The following CSMD1 variants were observed in gnomAD, a reference collection of about 807,000 sequenced individuals.
The protein encoded by CSMD1 is CUB and Sushi multiple domains 1, also known as CUB and sushi domain-containing protein 1.
Under a neutral mutation model 417.5 loss-of-function variants are expected in CSMD1, and 213 were observed. The ratio of observed to expected loss-of-function variants is 0.51; its 90% CI spans 0.46 to 0.57. The LOEUF (loss-of-function observed/expected upper bound fraction) is 0.57. CSMD1 is among the 20% of genes least tolerant of loss of function. The probability of loss-of-function intolerance (pLI) is 0.00; values close to 1 mark genes in which losing one functional copy is unlikely to be tolerated. For synonymous variants in CSMD1, 2,862 were observed against 1,736.8 expected (o/e 1.65, Z -16.11); for missense variants, 6,923 against 4,529.7 (o/e 1.53, Z -15.17).
intron 6 of CSMD1, among the ~76,000 whole-genome samples, chr8:3,727,736 G>C (rs1368253257): frequency 6.6e-6 from 1 of 152,122 alleles, no homozygotes; most frequent in Non-Finnish European, 1.5e-5. Context: ...CACATGAATG[G>C]ATAAAGATAA....
intron 23 of CSMD1, among the ~76,000 whole-genome samples, chr8:3,325,325 C>T (rs77804269): frequency 0.027 from 4,068 of 152,262 alleles, 93 homozygotes; most frequent in Non-Finnish European, 0.042. Context: ...ATTCTGTCAT[C>T]GCTCCTATCA....
At chr8:4,864,841 A>G (rs1166099409) in intron 1 of CSMD1, among the ~76,000 whole-genome samples, 1 of 149,626 alleles carries the variant, frequency 6.7e-6, no homozygotes, top group Non-Finnish European at 1.5e-5. Flanking sequence ...ATTTAAAGTA[A>G]TTGGCCTAAT....
chr8:4,157,740 G>T (rs1388086446), intron 3 of CSMD1, among the ~76,000 whole-genome samples: 1 of 152,192 alleles, frequency 6.6e-6, no homozygotes, highest in African/African-American at 2.4e-5. Flanking sequence ...CTTTTCCTAG[G>T]AGTCAGGGCC....
intron 1 of CSMD1, among the ~76,000 whole-genome samples, chr8:4,948,054 C>T (rs1037295652): frequency 5.9e-5 from 9 of 151,848 alleles, no homozygotes; most frequent in African/African-American, 2.2e-4. Context: ...AATGTAGATA[C>T]CATAGTAGTA....
intron 3 of CSMD1, among the ~76,000 whole-genome samples, chr8:4,042,897 G>A (rs1197546959): frequency 3.4e-5 from 5 of 147,522 alleles, no homozygotes; most frequent in Non-Finnish European, 7.4e-5. Flanking sequence ...GGAGGCTGAG[G>A]TGGGAAGATT....
intron 3 of CSMD1, among the ~76,000 whole-genome samples, chr8:4,321,128 G>A (rs115674393): frequency 0.013 from 2,005 of 152,120 alleles, 44 homozygotes; most frequent in African/African-American, 0.046. Flanking sequence ...TCAATCAAAG[G>A]CAGGAAGAGT....
At chr8:4,007,123 C>T (rs1420251676) in intron 4 of CSMD1, among the ~76,000 whole-genome samples, 4 of 152,096 alleles carry the variant, frequency 2.6e-5, no homozygotes, top group Non-Finnish European at 5.9e-5. Context: ...CAGGTGTCAG[C>T]CACCGAGCCT....
chr8:3,091,358 C>A (rs1459079023), intron 48 of CSMD1, among the ~76,000 whole-genome samples, 158 bp downstream of exon 48: 1 of 152,044 alleles, frequency 6.6e-6, no homozygotes, highest in African/African-American at 2.4e-5. Flanking sequence ...TTAGAGGAAT[C>A]ATTCAGAATA....
intron 2 of CSMD1, among the ~76,000 whole-genome samples, chr8:4,602,297 C>T (rs1421560005): frequency 6.6e-6 from 1 of 152,100 alleles, no homozygotes; most frequent in Non-Finnish European, 1.5e-5. Context: ...GGGCCCTGCA[C>T]AAATAAGGCA....
At chr8:3,110,417 C>G in intron 42 of CSMD1, 82 bp from the exon 43 acceptor site, 1 of 1,180,400 alleles carries the variant, frequency 8.5e-7, no homozygotes, top group South Asian at 1.9e-5. Context: ...TCCAAAGTAC[C>G]TTAGCCAACA....
At chr8:3,858,090 A>G (rs193238374) in intron 5 of CSMD1, among the ~76,000 whole-genome samples, 23 of 152,384 alleles carry the variant, frequency 1.5e-4, no homozygotes, top group Admixed American at 1.4e-3. Flanking sequence ...TGACTGTCCA[A>G]TTGAATTTTA....
At chr8:4,747,176 G>A (rs1365452379) in intron 1 of CSMD1, among the ~76,000 whole-genome samples, 1 of 152,140 alleles carries the variant, frequency 6.6e-6, no homozygotes, top group Non-Finnish European at 1.5e-5. Flanking sequence ...GGAGAGGAAA[G>A]GAGTCCTTGT....
chr8:3,499,133 T>C (rs377004146), intron 10 of CSMD1, among the ~76,000 whole-genome samples: 1 of 152,228 alleles, frequency 6.6e-6, no homozygotes, highest in African/African-American at 2.4e-5. Flanking sequence ...TATTAGAATG[T>C]AGTTTTAGTA....
intron 38 of CSMD1, among the ~76,000 whole-genome samples, chr8:3,160,013 TG>T: frequency 6.6e-6 from 1 of 152,330 alleles, no homozygotes; most frequent in Admixed American, 6.5e-5. Flanking sequence ...GATATTTACC[TG>T]ATTTCAGGCA....
intron 2 of CSMD1, among the ~76,000 whole-genome samples, chr8:4,485,590 G>C (rs974299018): frequency 3.3e-5 from 5 of 152,008 alleles, no homozygotes; most frequent in Non-Finnish European, 7.4e-5. Flanking sequence ...ATCCATGGAT[G>C]TTCAAGCTAG....
intron 18 of CSMD1, among the ~76,000 whole-genome samples, chr8:3,372,826 C>G (rs1043398865): frequency 6.6e-6 from 1 of 152,138 alleles, no homozygotes; most frequent in Non-Finnish European, 1.5e-5. Context: ...GAGACCACAA[C>G]TATGTGAGAA....
At chr8:3,671,477 ATATAC>A (rs1799033630) in intron 7 of CSMD1, among the ~76,000 whole-genome samples, 4 of 117,178 alleles carry the variant, frequency 3.4e-5, no homozygotes, top group Admixed American at 9.8e-5. Flanking sequence ...ATAATCATAT[ATATAC>A]TCATATATAT....
intron 12 of CSMD1, among the ~76,000 whole-genome samples, chr8:3,445,195 C>G (rs534053654): frequency 7.9e-5 from 12 of 152,300 alleles, no homozygotes; most frequent in African/African-American, 2.4e-4. Flanking sequence ...ATTCTTTTAT[C>G]ACCTCATCAT....
At chr8:3,366,955 CA>C in intron 20 of CSMD1, 76 bp downstream of exon 20, 2 of 1,108,856 alleles carry the variant, frequency 1.8e-6, no homozygotes, top group African/African-American at 1.5e-5. Context: ...CACACACACA[CA>C]CCCACACACA....
Sources: allele counts gnomAD v4.1 joint callset (sites outside exome capture counted in the v4.1 genomes callset), GRCh38; gene constraint gnomAD v4.1.1; transcripts MANE v1.5; gene names NCBI Gene and HGNC (gene_info 2026-07-23, HGNC 2026-07-21).